The following IFT25 variants were observed in gnomAD, a reference collection of about 807,000 sequenced individuals.
IFT25 encodes intraflagellar transport protein 25 homolog.
chr1:53,928,847 G>C, the IFT25 span: 1 of 161,266 alleles, frequency 6.2e-6, no homozygotes, highest in African/African-American at 2.4e-5. Context: ...TTACTGGTGA[G>C]AAAACAGGTT....
the IFT25 span, among the ~76,000 whole-genome samples, chr1:53,922,279 A>G: frequency 2.8e-4 from 42 of 152,048 alleles, no homozygotes; most frequent in Non-Finnish European, 5.3e-4. Context: ...CTGTAATCCC[A>G]GCTACTTGAG....
the IFT25 span, among the ~76,000 whole-genome samples, chr1:53,933,135 C>CTTT: frequency 1.3e-3 from 169 of 131,276 alleles, 3 homozygotes; most frequent in African/African-American, 4.5e-3. Context: ...TCCTTTTTCT[C>CTTT]TTTTTTTTTT....
the IFT25 span, among the ~76,000 whole-genome samples, chr1:53,912,377 C>G: frequency 6.6e-6 from 1 of 152,160 alleles, no homozygotes; most frequent in African/African-American, 2.4e-5. Context: ...CAGAGTTATG[C>G]AAAGATGGAC....
At chr1:53,920,277 A>G in the IFT25 span, among the ~76,000 whole-genome samples, 1 of 152,144 alleles carries the variant, frequency 6.6e-6, no homozygotes, top group Non-Finnish European at 1.5e-5. Flanking sequence ...ATGGAGTCCA[A>G]TGAGGGTTTT....
chr1:53,928,938 G>C, the IFT25 span: 1 of 153,418 alleles, frequency 6.5e-6, no homozygotes, highest in African/African-American at 2.4e-5. Flanking sequence ...TATGACTCTA[G>C]AACCTCCACG....
the IFT25 span, chr1:53,939,895 T>G: frequency 1.3e-6 from 1 of 741,988 alleles, no homozygotes. Flanking sequence ...AAACTATGTT[T>G]AATAGGGCAA....
At chr1:53,925,319 A>G in the IFT25 span, among the ~76,000 whole-genome samples, 260 of 152,270 alleles carry the variant, frequency 1.7e-3, no homozygotes, top group African/African-American at 6.0e-3. Context: ...ATCACCAGAA[A>G]TTAATAATAA....
At chr1:53,946,091 C>T in the IFT25 span, 1 of 152,568 alleles carries the variant, frequency 6.6e-6, no homozygotes, top group Admixed American at 6.5e-5. Flanking sequence ...CTTCGCGGGC[C>T]AAGATGCGAA....
chr1:53,922,031 C>T, the IFT25 span, among the ~76,000 whole-genome samples: 1 of 152,218 alleles, frequency 6.6e-6, no homozygotes, highest in Non-Finnish European at 1.5e-5. Context: ...TGGTCTTGAA[C>T]TAGCCTCAAA....
chr1:53,927,803 G>T, the IFT25 span, among the ~76,000 whole-genome samples: 1 of 152,178 alleles, frequency 6.6e-6, no homozygotes, highest in African/African-American at 2.4e-5. Context: ...AGCTAAAGAA[G>T]TTACTACTCT....
the IFT25 span, among the ~76,000 whole-genome samples, chr1:53,945,060 A>G: frequency 6.6e-6 from 1 of 152,198 alleles, no homozygotes; most frequent in Non-Finnish European, 1.5e-5. Flanking sequence ...CCGAGGGGCC[A>G]GGGCCACGGC....
At chr1:53,916,231 ACAAAG>A in the IFT25 span, among the ~76,000 whole-genome samples, 2 of 152,198 alleles carry the variant, frequency 1.3e-5, no homozygotes, top group Non-Finnish European at 2.9e-5. Flanking sequence ...GAAATACAAA[ACAAAG>A]CAAAAAGGTA....
chr1:53,944,829 G>A, the IFT25 span, among the ~76,000 whole-genome samples: 1 of 152,096 alleles, frequency 6.6e-6, no homozygotes, highest in Non-Finnish European at 1.5e-5. Flanking sequence ...CAGTGCCACT[G>A]GTTTCGTCCC....
chr1:53,922,598 A>T, the IFT25 span, among the ~76,000 whole-genome samples: 1 of 152,192 alleles, frequency 6.6e-6, no homozygotes, highest in Admixed American at 6.5e-5. Flanking sequence ...TATTCCTTGA[A>T]ATTTAATCTT....
chr1:53,939,824 C>A, the IFT25 span: 1 of 591,488 alleles, frequency 1.7e-6, no homozygotes, highest in Non-Finnish European at 3.0e-6. Context: ...ATATACACAA[C>A]TCAATTAGTT....
At chr1:53,938,862 G>A in the IFT25 span, among the ~76,000 whole-genome samples, 2 of 152,038 alleles carry the variant, frequency 1.3e-5, no homozygotes, top group African/African-American at 2.4e-5. Context: ...ATCACCTGAG[G>A]TCGGGAGTTC....
chr1:53,940,815 TC>T, the IFT25 span, among the ~76,000 whole-genome samples: 1 of 151,984 alleles, frequency 6.6e-6, no homozygotes, highest in Non-Finnish European at 1.5e-5. Flanking sequence ...GCTCAAGTGA[TC>T]CTCCCACCTT....
the IFT25 span, among the ~76,000 whole-genome samples, chr1:53,941,028 C>T: frequency 6.6e-6 from 1 of 151,460 alleles, no homozygotes; most frequent in Non-Finnish European, 1.5e-5. Context: ...GAGTCTCAGT[C>T]TTGTTGCCCA....
the IFT25 span, among the ~76,000 whole-genome samples, chr1:53,924,378 T>C: frequency 6.6e-6 from 1 of 152,212 alleles, no homozygotes. Flanking sequence ...CAGTGAAACT[T>C]TCACTATGAT....
Sources: allele counts gnomAD v4.1 joint callset (sites outside exome capture counted in the v4.1 genomes callset), GRCh38; gene constraint gnomAD v4.1.1; transcripts MANE v1.5; gene names NCBI Gene and HGNC (gene_info 2026-07-23, HGNC 2026-07-21).